The following COL23A1 variants were observed in gnomAD, a reference collection of about 807,000 sequenced individuals.
COL23A1 encodes collagen alpha-1(XXIII) chain.
In COL23A1, 97 loss-of-function variants were observed where a neutral mutation model predicts 99.3. The ratio of observed to expected loss-of-function variants is 0.98; its 90% CI spans 0.83 to 1.16. The LOEUF is 1.16. COL23A1 is among the 50% of genes most tolerant of loss of function. The pLI, the probability that COL23A1 is intolerant of heterozygous loss-of-function variation, is 0.00. For synonymous variants in COL23A1, 320 were observed against 308.2 expected, an observed-to-expected ratio of 1.04 and a Z score of -0.40; for missense variants, 762 against 757.4, an observed-to-expected ratio of 1.01 and a Z score of -0.07.
At chr5:178,379,494 C>G (rs1052714108) in intron 2 of COL23A1, among the ~76,000 whole-genome samples, 1 of 152,142 alleles carries the variant, frequency 6.6e-6, no homozygotes, top group Non-Finnish European at 1.5e-5. Context: ...ACATTATTCT[C>G]TGTATTTTGG....
intron 2 of COL23A1, among the ~76,000 whole-genome samples, chr5:178,320,879 G>T (rs577949887): frequency 6.6e-6 from 1 of 152,174 alleles, no homozygotes; most frequent in East Asian, 1.9e-4. Flanking sequence ...CCTGGAGGTC[G>T]CATGGGCCCA....
intron 5 of COL23A1, among the ~76,000 whole-genome samples, chr5:178,274,338 AGAG>A (rs1303044132): frequency 4.6e-5 from 7 of 152,140 alleles, no homozygotes; most frequent in African/African-American, 1.4e-4. Flanking sequence ...GGTGCTCTTG[AGAG>A]GAGGACAAGC....
At chr5:178,289,008 G>A (rs561775239) in intron 4 of COL23A1, among the ~76,000 whole-genome samples, 16 of 152,110 alleles carry the variant, frequency 1.1e-4, no homozygotes, top group South Asian at 4.2e-4. Flanking sequence ...TATAGCCCCC[G>A]GCGTTAGGTA....
intron 13 of COL23A1, 23 bp downstream of exon 13, chr5:178,257,500 C>G: frequency 6.4e-7 from 1 of 1,564,314 alleles, no homozygotes; most frequent in Non-Finnish European, 8.7e-7. Context: ...CAGGGGGCCA[C>G]GAGAGGAGGG....
chr5:178,288,478 G>C lies in COL23A1; in HGVS notation c.415-128C>G, dbSNP rs934256700. On this transcript the variant is annotated intron_variant, in intron 4 of 28. Transcript: ENST00000390654. ...GCTGGTTGGTGACTTCCTCTGCAGCGGGAGGACTCAAGGGCTCCAGGGGTC... is the reference window on the plus strand; with the variant it reads ...GCTGGTTGGTGACTTCCTCTGCAGCCGGAGGACTCAAGGGCTCCAGGGGTC... The C allele has an allele frequency of 2.8e-5, 23 of 818,528 alleles. No homozygotes were observed. In the African/African-American group the frequency reaches 3.7e-4, roughly 13 times the overall value. The allele number at this position is 818,528 out of a possible 1,614,324, so 50.7% of individuals were successfully genotyped here.
In COL23A1 at chr5:178,366,352, G is replaced by C. The variant is rs1381828221; in HGVS notation, c.362-59433C>G. The stretch of plus-strand genomic sequence containing the variant: ...ATCCTCTGGTGCACCAGGTTAGCTT[G>C]ACTCCAGGTGCCCTGCTGGTGTGGC... On this transcript the variant is annotated intron_variant, in intron 2 of 28. Coordinates refer to ENST00000390654, the MANE Select transcript of COL23A1 (RefSeq NM_173465.4). This position sits in a 1 kb window ranked among gnomAD's most constrained non-coding sequence, Gnocchi z 4.4. 6.6e-6 allele frequency among the ~76,000 whole-genome samples: 1 copy of C among 152,216 alleles called. No homozygotes were observed. Among genetic ancestry groups the C allele is most frequent in the Non-Finnish European group, 1.5e-5 (1 of 68,030 alleles).
At chr5:178,318,277 G>A (rs1007817349) in intron 2 of COL23A1, among the ~76,000 whole-genome samples, 8 of 152,184 alleles carry the variant, frequency 5.3e-5, no homozygotes, top group Non-Finnish European at 8.8e-5. Flanking sequence ...CCCAGCCTTC[G>A]GTGCCTTCCA....
chr5:178,547,616 ACACACACCCACCCACAC>A (rs1761698525), intron 2 of COL23A1, among the ~76,000 whole-genome samples: 1 of 3,790 alleles, frequency 2.6e-4, no homozygotes. Flanking sequence ...CACACCCCCC[ACACACACCCACCCACAC>A]CCCCCCACAC....
intron 2 of COL23A1, among the ~76,000 whole-genome samples, chr5:178,391,194 T>C (rs1763944046): frequency 6.6e-6 from 1 of 152,186 alleles, no homozygotes; most frequent in Admixed American, 6.5e-5. Context: ...TCCAAAACCA[T>C]CATCCTTCCA....
At chr5:178,318,004 T>C (rs1331399210) in intron 2 of COL23A1, among the ~76,000 whole-genome samples, 1 of 151,744 alleles carries the variant, frequency 6.6e-6, no homozygotes, top group African/African-American at 2.4e-5. Context: ...CCACAATACG[T>C]GGGAGTTATG....
chr5:178,421,783 C>T (rs113107449), intron 2 of COL23A1, among the ~76,000 whole-genome samples: 3,409 of 152,272 alleles, frequency 0.022, 132 homozygotes, highest in African/African-American at 0.077. Flanking sequence ...GCATGAGAAT[C>T]GCTTGAACCC....
chr5:178,327,112 A>T (rs150121315), intron 2 of COL23A1, among the ~76,000 whole-genome samples: 99 of 152,332 alleles, frequency 6.5e-4, no homozygotes, highest in Non-Finnish European at 1.2e-3. Context: ...CCATTCATCC[A>T]TCCATTAAAT....
chr5:178,262,385 G>T, intron 9 of COL23A1, 133 bp from the exon 10 acceptor site: 1 of 781,576 alleles, frequency 1.3e-6, no homozygotes, highest in Non-Finnish European at 2.1e-6. Flanking sequence ...CCTGAAGAGC[G>T]AGTATCACTG....
intron 2 of COL23A1, among the ~76,000 whole-genome samples, chr5:178,531,150 A>T (rs529862998): frequency 6.6e-6 from 1 of 152,176 alleles, no homozygotes; most frequent in Non-Finnish European, 1.5e-5. Context: ...TACAGGTGTG[A>T]GCCACCGTGC....
chr5:178,358,204 T>TGTCTA (rs1761869180), intron 2 of COL23A1, among the ~76,000 whole-genome samples: 1 of 144,608 alleles, frequency 6.9e-6, no homozygotes, highest in Non-Finnish European at 1.5e-5. Flanking sequence ...TGTGCATGTG[T>TGTCTA]ACGTGTGTAT....
chr5:178,357,462 T>C (rs1264936613), intron 2 of COL23A1, among the ~76,000 whole-genome samples: 1 of 152,208 alleles, frequency 6.6e-6, no homozygotes, highest in African/African-American at 2.4e-5. Flanking sequence ...AACAGCACAC[T>C]GGGGAACTGT....
chr5:178,513,156 C>T (rs1309719962), intron 2 of COL23A1, among the ~76,000 whole-genome samples: 4 of 152,132 alleles, frequency 2.6e-5, no homozygotes, highest in Non-Finnish European at 5.9e-5. Context: ...AGACCTGGGA[C>T]GAGATGAGCT....
In COL23A1 at chr5:178,304,505, C is replaced by CAA. The variant is rs35806686; in HGVS notation, c.406+2368_406+2369dup. Among the ~76,000 whole-genome samples, 161 of 32,172 alleles carry CAA rather than the reference C, an allele frequency of 5.0e-3. 7 individuals carry two copies. The highest frequency in any genetic ancestry group is 7.8e-3 in the East Asian group (7 of 902). 21.1% of individuals were successfully genotyped at this position (32,172 alleles called of 152,430 possible). A position where few individuals can be genotyped will look rare whatever the true frequency, so the allele number is the denominator to read the frequency against. The stretch of plus-strand genomic sequence containing the variant: ...AGCCTGAGTGACAGAGCGACTGTCT[C>CAA]AAAAAAAAAAAAAAAAAAAAAAAAA... On this transcript the variant is annotated intron_variant, in intron 3 of 28. Transcript: ENST00000390654.
intron 2 of COL23A1, among the ~76,000 whole-genome samples, chr5:178,446,707 T>G (rs1398118542): frequency 6.6e-6 from 1 of 152,242 alleles, no homozygotes; most frequent in Non-Finnish European, 1.5e-5. Context: ...AACTTCATGT[T>G]TTATGACCTT....
Sources: gnomAD v4.1 joint callset for allele counts (sites outside exome capture counted in the v4.1 genomes callset) on GRCh38, gnomAD v4.1.1 for gene constraint, Gnocchi (gnomAD v3.1) non-coding constraint, MANE v1.5 for transcripts, NCBI Gene and HGNC (gene_info 2026-07-23, HGNC 2026-07-21) for gene names.